CDH13: variants seen among roughly 807,000 people sequenced by gnomAD.
The protein encoded by CDH13 is cadherin 13.
CDH13 carries 24 observed loss-of-function variants against 63.8 expected under a neutral mutation model. That is an observed-to-expected ratio of 0.38 (90% CI 0.27 to 0.53). CDH13 has a LOEUF of 0.53. CDH13 is among the 20% of genes least tolerant of loss of function. CDH13 has a pLI of 0.85. For missense variants in CDH13, 1,049 were observed against 903.1 expected, an observed-to-expected ratio of 1.16 and a Z score of -2.07; for synonymous variants, 503 against 355.3, an observed-to-expected ratio of 1.42 and a Z score of -4.67.
At chr16:83,099,010 A>G (rs2034341726) in intron 3 of CDH13, among the ~76,000 whole-genome samples, 1 of 152,140 alleles carries the variant, frequency 6.6e-6, no homozygotes, top group Admixed American at 6.5e-5. Flanking sequence ...ACACTTGAAG[A>G]TTGCTATATA....
At chr16:83,650,056 A>G (rs1001540581) in intron 8 of CDH13, among the ~76,000 whole-genome samples, 1 of 152,180 alleles carries the variant, frequency 6.6e-6, no homozygotes, top group African/African-American at 2.4e-5. Context: ...AGACAGCCCC[A>G]AGGGTGACAC....
Position 83,470,253 on chromosome 16 carries a change from C to G in CDH13, c.782-16224C>G, listed in dbSNP as rs74641680. ...TTGCTTTTTTTAGAGAAAGGTGTCT[C>G]ACCATGTTGCCCAGGCTAGTCTCGA... On this transcript the variant is annotated intron_variant, in intron 6 of 13. Coordinates refer to ENST00000567109, the MANE Select transcript of CDH13 (RefSeq NM_001257.5). Among the ~76,000 whole-genome samples the G allele has an allele frequency of 8.9e-3, 1,358 of 152,228 alleles. 13 individuals carry two copies. The highest frequency in any genetic ancestry group is 0.031 in the African/African-American group (1,290 of 41,528).
intron 7 of CDH13, among the ~76,000 whole-genome samples, chr16:83,518,768 G>A (rs1019423401): frequency 6.6e-6 from 1 of 152,116 alleles, no homozygotes; most frequent in Non-Finnish European, 1.5e-5. Flanking sequence ...ACCGAGCCCG[G>A]CCGATGTGAT....
chr16:83,200,938 T>C (rs1220486099), intron 4 of CDH13, among the ~76,000 whole-genome samples: 1 of 139,112 alleles, frequency 7.2e-6, no homozygotes, highest in Admixed American at 7.2e-5. Flanking sequence ...TGTGTGTGTG[T>C]GTGTGTGTGT....
intron 6 of CDH13, among the ~76,000 whole-genome samples, chr16:83,385,543 G>A (rs1039700861): frequency 5.9e-5 from 9 of 152,188 alleles, no homozygotes; most frequent in Admixed American, 2.6e-4. Context: ...ATAACAAAAT[G>A]TCTAATGCAA....
intron 10 of CDH13, among the ~76,000 whole-genome samples, chr16:83,694,152 C>T (rs2150896505): frequency 1.3e-5 from 2 of 152,302 alleles, no homozygotes; most frequent in East Asian, 3.9e-4. Flanking sequence ...AAATGAGTAG[C>T]CGCCAGATAG....
At chr16:83,675,328 G>A (rs189838903) in intron 9 of CDH13, among the ~76,000 whole-genome samples, 4 of 152,230 alleles carry the variant, frequency 2.6e-5, no homozygotes, top group Admixed American at 2.6e-4. Context: ...CCCACCTTAG[G>A]CAAATGGAAA....
intron 5 of CDH13, among the ~76,000 whole-genome samples, chr16:83,272,972 C>T (rs8058544): frequency 1.3e-5 from 2 of 151,988 alleles, no homozygotes; most frequent in East Asian, 1.9e-4. Context: ...GCTCGGTAAG[C>T]ACAATCTGCT....
At chr16:83,119,899 G>C (rs746409279) in intron 3 of CDH13, among the ~76,000 whole-genome samples, 1 of 152,174 alleles carries the variant, frequency 6.6e-6, no homozygotes, top group Non-Finnish European at 1.5e-5. Flanking sequence ...CATACTTATA[G>C]ATATACACAT....
intron 5 of CDH13, among the ~76,000 whole-genome samples, chr16:83,343,255 G>T (rs916533549): frequency 2.0e-5 from 3 of 152,044 alleles, no homozygotes; most frequent in African/African-American, 7.2e-5. Context: ...ATATTTGTAG[G>T]TCATGTATGA....
chr16:83,121,841 G>A lies in CDH13; in HGVS notation c.367-3544G>A, dbSNP rs190474220. On this transcript the variant is annotated intron_variant, in intron 3 of 13. Coordinates refer to ENST00000567109, the MANE Select transcript of CDH13 (RefSeq NM_001257.5). ...ATATTGCCTGATTACTTTTCACAAG[G>A]GTGCTATGAATTTATACTCCCACCC... Among the ~76,000 whole-genome samples, 646 of 152,160 alleles carry A rather than the reference G, an allele frequency of 4.2e-3. 6 individuals are homozygous for A. The highest frequency in any genetic ancestry group is 0.015 in the African/African-American group (613 of 41,532).
At chr16:83,688,201 G>C (rs1904503655) in intron 10 of CDH13, among the ~76,000 whole-genome samples, 2 of 152,114 alleles carry the variant, frequency 1.3e-5, no homozygotes, top group South Asian at 4.1e-4. Context: ...AAAAATGTTG[G>C]GAAATTAAGC....
intron 1 of CDH13, among the ~76,000 whole-genome samples, chr16:82,838,249 T>C (rs2038854673): frequency 6.6e-6 from 1 of 152,222 alleles, no homozygotes; most frequent in Non-Finnish European, 1.5e-5. Flanking sequence ...CCTTTGTCCT[T>C]CTTTTATTCT....
At chr16:82,652,052 C>T (rs1029986340) in intron 1 of CDH13, among the ~76,000 whole-genome samples, 1 of 152,214 alleles carries the variant, frequency 6.6e-6, no homozygotes, top group South Asian at 2.1e-4. Context: ...GCTCGGCCAA[C>T]CTATTGTTGC....
intron 3 of CDH13, among the ~76,000 whole-genome samples, chr16:83,080,924 C>T: frequency 1.0e-5 from 1 of 97,860 alleles, no homozygotes; most frequent in East Asian, 4.5e-4. Flanking sequence ...TGTTGTTGCC[C>T]AGGCGGGAGT....
intron 8 of CDH13, among the ~76,000 whole-genome samples, chr16:83,634,117 C>CTGTGTGTGTGTGTGTG (rs1491184759): frequency 3.9e-5 from 3 of 77,010 alleles, no homozygotes; most frequent in African/African-American, 9.6e-5. Flanking sequence ...TGTGTGTTTT[C>CTGTGTGTGTGTGTGTG]TGTGTGTGTG....
At chr16:82,655,861 C>T (rs918790009) in intron 1 of CDH13, among the ~76,000 whole-genome samples, 2 of 152,052 alleles carry the variant, frequency 1.3e-5, no homozygotes, top group Admixed American at 6.5e-5. Flanking sequence ...GCAATGCCTT[C>T]GGGTCATGGC....
intron 6 of CDH13, among the ~76,000 whole-genome samples, chr16:83,384,026 A>T: frequency 6.6e-6 from 1 of 152,306 alleles, no homozygotes; most frequent in South Asian, 2.1e-4. Flanking sequence ...GGGTACATCT[A>T]TATGTACTCA....
chr16:82,848,357 A>G (rs1458082141), intron 1 of CDH13, among the ~76,000 whole-genome samples: 1 of 152,202 alleles, frequency 6.6e-6, no homozygotes, highest in African/African-American at 2.4e-5. Context: ...TTAGTTGGGT[A>G]TGACAAGAAT....
Sources: gnomAD v4.1 joint callset for allele counts (sites outside exome capture counted in the v4.1 genomes callset) on GRCh38, gnomAD v4.1.1 for gene constraint, MANE v1.5 for transcripts, NCBI Gene and HGNC (gene_info 2026-07-23, HGNC 2026-07-21) for gene names.